Variants in HS3ST4 observed in about 807,000 individuals in gnomAD.
HS3ST4 encodes heparan sulfate-glucosamine 3-sulfotransferase 4.
HS3ST4 carries 17 observed loss-of-function variants against 29.2 expected under a neutral mutation model. The observed-to-expected ratio is 0.58, with a 90% confidence interval of 0.40 to 0.87. The LOEUF (loss-of-function observed/expected upper bound fraction) is 0.87. HS3ST4 is among the 40% of genes least tolerant of loss of function. The pLI is 0.00. For synonymous variants in HS3ST4, 314 were observed against 285.7 expected (o/e 1.10, Z -1.00); for missense variants, 627 against 634.5 (o/e 0.99, Z 0.13).
chr16:25,997,664 AC>A (rs1567290363), intron 1 of HS3ST4, among the ~76,000 whole-genome samples: 1 of 152,154 alleles, frequency 6.6e-6, no homozygotes, highest in Admixed American at 6.5e-5. Flanking sequence ...AATAGTTCCA[AC>A]TGAAGTCCTA....
At chr16:26,029,680 G>C (rs1969514910) in intron 1 of HS3ST4, among the ~76,000 whole-genome samples, 1 of 152,166 alleles carries the variant, frequency 6.6e-6, no homozygotes. Context: ...CAAAGTGCTG[G>C]GATTATAGGC....
At chr16:26,078,326 T>C (rs1898689856) in intron 1 of HS3ST4, among the ~76,000 whole-genome samples, 1 of 152,076 alleles carries the variant, frequency 6.6e-6, no homozygotes, top group South Asian at 2.1e-4. Context: ...TGTGTGTATT[T>C]TTTAGTAGAG....
chr16:26,065,565 A>G (rs904590225), intron 1 of HS3ST4, among the ~76,000 whole-genome samples: 1 of 152,158 alleles, frequency 6.6e-6, no homozygotes, highest in Non-Finnish European at 1.5e-5. Context: ...TGTACAACAG[A>G]CCTGCATAAC....
chr16:25,728,150 C>T (rs768444451), intron 1 of HS3ST4, among the ~76,000 whole-genome samples: 5 of 152,214 alleles, frequency 3.3e-5, no homozygotes, highest in Admixed American at 6.5e-5. Context: ...TACAGGCACG[C>T]GCCATCACAC....
chr16:25,756,949 C>T (rs1343197938), intron 1 of HS3ST4, among the ~76,000 whole-genome samples: 6 of 152,136 alleles, frequency 3.9e-5, no homozygotes, highest in Admixed American at 1.3e-4. Flanking sequence ...GCTATACATA[C>T]GTCTTATCTC....
chr16:26,072,519 A>G (rs752792337), intron 1 of HS3ST4, among the ~76,000 whole-genome samples: 2 of 152,218 alleles, frequency 1.3e-5, no homozygotes, highest in Non-Finnish European at 2.9e-5. Flanking sequence ...CTAAAACAGG[A>G]TAACATCCCA....
intron 1 of HS3ST4, among the ~76,000 whole-genome samples, chr16:26,069,923 A>C (rs1050137255): frequency 6.6e-6 from 1 of 152,074 alleles, no homozygotes; most frequent in Admixed American, 6.5e-5. Flanking sequence ...TCCATGGTGC[A>C]TATGTGCCAC....
intron 1 of HS3ST4, among the ~76,000 whole-genome samples, chr16:26,017,429 G>T (rs183589747): frequency 5.9e-5 from 9 of 152,276 alleles, no homozygotes; most frequent in Admixed American, 2.0e-4. Flanking sequence ...GCTGCGTGTG[G>T]CAATACATTA....
chr16:25,977,742 T>C (rs986233102), intron 1 of HS3ST4, among the ~76,000 whole-genome samples: 5 of 152,172 alleles, frequency 3.3e-5, no homozygotes, highest in Non-Finnish European at 5.9e-5. Flanking sequence ...AAGGACATTG[T>C]TTATTCTTTA....
intron 1 of HS3ST4, among the ~76,000 whole-genome samples, chr16:25,829,830 T>A (rs1967275184): frequency 6.6e-6 from 1 of 152,154 alleles, no homozygotes; most frequent in African/African-American, 2.4e-5. Flanking sequence ...TTTTTATTTT[T>A]AATTTGTTTT....
At chr16:26,022,684 T>TG (rs543923781) in intron 1 of HS3ST4, among the ~76,000 whole-genome samples, 7 of 151,508 alleles carry the variant, frequency 4.6e-5, no homozygotes, top group Admixed American at 4.6e-4. Flanking sequence ...TTCTTCCTTT[T>TG]TTTTTTTTTT....
intron 1 of HS3ST4, chr16:25,824,762 T>A (rs941064613): frequency 6.6e-6 from 1 of 152,174 alleles, no homozygotes; most frequent in Non-Finnish European, 1.5e-5. Context: ...AGGTGCCACA[T>A]ATAGAAGTCT....
At chr16:26,116,323 G>A (rs541119861) in intron 1 of HS3ST4, among the ~76,000 whole-genome samples, 1 of 152,318 alleles carries the variant, frequency 6.6e-6, no homozygotes, top group African/African-American at 2.4e-5. Flanking sequence ...TTACAATTTT[G>A]TGTTACAAGT....
At chr16:25,909,198 C>CT (rs1383197914) in intron 1 of HS3ST4, among the ~76,000 whole-genome samples, 1 of 152,046 alleles carries the variant, frequency 6.6e-6, no homozygotes, top group South Asian at 2.1e-4. Context: ...TTTCTTTTTT[C>CT]TTTTTTTCGA....
intron 1 of HS3ST4, among the ~76,000 whole-genome samples, chr16:25,770,164 C>T (rs972106784): frequency 6.6e-6 from 1 of 152,178 alleles, no homozygotes; most frequent in African/African-American, 2.4e-5. Context: ...ATATATTTCT[C>T]TGCTTTTTCT....
chr16:25,805,733 A>ATGTGCAGGG (rs1409985293), intron 1 of HS3ST4, among the ~76,000 whole-genome samples: 1 of 152,194 alleles, frequency 6.6e-6, no homozygotes, highest in African/African-American at 2.4e-5. Context: ...TCTGGGGTAC[A>ATGTGCAGGG]TGTGCAGGGT....
At chr16:26,106,967 T>A (rs1899065489) in intron 1 of HS3ST4, among the ~76,000 whole-genome samples, 1 of 152,070 alleles carries the variant, frequency 6.6e-6, no homozygotes, top group Non-Finnish European at 1.5e-5. Flanking sequence ...GTGGCCTCTT[T>A]GGCCATTCTA....
At chr16:25,857,568 C>T (rs972061337) in intron 1 of HS3ST4, among the ~76,000 whole-genome samples, 2 of 152,080 alleles carry the variant, frequency 1.3e-5, no homozygotes, top group South Asian at 2.1e-4. Flanking sequence ...GGGTGTTTAT[C>T]GTGTTTGTAC....
intron 1 of HS3ST4, among the ~76,000 whole-genome samples, chr16:25,720,719 G>T (rs2141589324): frequency 6.6e-6 from 1 of 152,258 alleles, no homozygotes; most frequent in East Asian, 1.9e-4. Flanking sequence ...ATTATGTCTG[G>T]GTTACTGGAC....
Sources: gnomAD v4.1 joint callset for allele counts (sites outside exome capture counted in the v4.1 genomes callset) on GRCh38, gnomAD v4.1.1 for gene constraint, MANE v1.5 for transcripts, NCBI Gene and HGNC (gene_info 2026-07-23, HGNC 2026-07-21) for gene names.